SLC4A4: variants seen among roughly 807,000 people sequenced by gnomAD.
SLC4A4 encodes electrogenic sodium bicarbonate cotransporter 1.
Under a neutral mutation model 111.5 loss-of-function variants are expected in SLC4A4, and 27 were observed. That is an observed-to-expected ratio of 0.24 (90% confidence interval 0.18 to 0.33). The LOEUF is 0.33. SLC4A4 is among the 10% of genes least tolerant of loss of function. SLC4A4 has a pLI of 1.00. For synonymous variants in SLC4A4, 443 were observed against 463.4 expected, an observed-to-expected ratio of 0.96 and a Z score of 0.57; for missense variants, 909 against 1,315.5, an observed-to-expected ratio of 0.69 and a Z score of 4.78.
chr4:71,258,485 C>T (rs547908368), intron 3 of SLC4A4, among the ~76,000 whole-genome samples: 2 of 152,230 alleles, frequency 1.3e-5, no homozygotes, highest in Admixed American at 6.5e-5. Flanking sequence ...TTGTAAACTC[C>T]GTGAGAGCAA....
chr4:71,162,661 C>T (rs2148978074), intron 2 of SLC4A4, among the ~76,000 whole-genome samples: 1 of 152,168 alleles, frequency 6.6e-6, no homozygotes, highest in East Asian at 1.9e-4. Context: ...CAGGAAAGAA[C>T]AATATATTAT....
chr4:71,183,556 C>G (rs770480598), upstream of SLC4A4, among the ~76,000 whole-genome samples: 3 of 152,084 alleles, frequency 2.0e-5, no homozygotes, highest in Admixed American at 1.3e-4. Context: ...AAAAATGAGG[C>G]CTTTGGTGAC....
intron 2 of SLC4A4, among the ~76,000 whole-genome samples, chr4:71,173,243 C>T (rs1011448248): frequency 6.6e-6 from 1 of 152,098 alleles, no homozygotes; most frequent in Non-Finnish European, 1.5e-5. Flanking sequence ...TTTTGGATAG[C>T]TGATATCTCA....
chr4:71,260,838 T>C (rs1393837079), intron 3 of SLC4A4, among the ~76,000 whole-genome samples: 2 of 152,220 alleles, frequency 1.3e-5, no homozygotes, highest in African/African-American at 2.4e-5. Context: ...ATTTTAATCA[T>C]AGTATTCTGA....
intron 3 of SLC4A4, among the ~76,000 whole-genome samples, chr4:71,322,985 A>G (rs911633504): frequency 6.6e-6 from 1 of 151,882 alleles, no homozygotes; most frequent in African/African-American, 2.4e-5. Flanking sequence ...CTGGTTCAGA[A>G]CTGGCTATTC....
intron 1 of SLC4A4, among the ~76,000 whole-genome samples, chr4:71,064,443 A>G (rs897905473): frequency 6.6e-6 from 1 of 152,244 alleles, no homozygotes; most frequent in Non-Finnish European, 1.5e-5. Context: ...GGGGAATATA[A>G]TAGTACTAAT....
At chr4:71,094,092 C>T (rs1332403303) in intron 2 of SLC4A4, among the ~76,000 whole-genome samples, 2 of 152,088 alleles carry the variant, frequency 1.3e-5, no homozygotes, top group African/African-American at 2.4e-5. Context: ...CCTTATTAAA[C>T]ATTTTGGTAC....
intron 14 of SLC4A4, among the ~76,000 whole-genome samples, chr4:71,475,746 A>G (rs1228533104): frequency 6.6e-6 from 1 of 151,920 alleles, no homozygotes; most frequent in Non-Finnish European, 1.5e-5. Context: ...GGTTAATAAT[A>G]GTACCTACCT....
At chr4:71,505,946 G>A (rs1359812007) in intron 16 of SLC4A4, among the ~76,000 whole-genome samples, 5 of 152,094 alleles carry the variant, frequency 3.3e-5, no homozygotes, top group African/African-American at 1.2e-4. Context: ...ATTAAATGGG[G>A]AATTATTTCA....
intron 1 of SLC4A4, among the ~76,000 whole-genome samples, chr4:71,220,060 G>T (rs1290807135): frequency 1.3e-5 from 2 of 152,174 alleles, no homozygotes; most frequent in Non-Finnish European, 2.9e-5. Flanking sequence ...GTAGCAGCAC[G>T]GTTTGAGAGG....
intron 18 of SLC4A4, among the ~76,000 whole-genome samples, chr4:71,537,499 G>C (rs911735011): frequency 6.6e-6 from 1 of 151,034 alleles, no homozygotes; most frequent in African/African-American, 2.4e-5. Flanking sequence ...TTTATAAAAG[G>C]CCAGATAACT....
intron 4 of SLC4A4, among the ~76,000 whole-genome samples, chr4:71,347,494 C>T (rs553184224): frequency 2.6e-5 from 4 of 152,154 alleles, no homozygotes; most frequent in Non-Finnish European, 4.4e-5. Flanking sequence ...TGTGTCTTTA[C>T]GTGGTGGAAG....
At chr4:71,200,066 GT>G (rs1219930347) in intron 1 of SLC4A4, among the ~76,000 whole-genome samples, 3 of 152,228 alleles carry the variant, frequency 2.0e-5, no homozygotes, top group Non-Finnish European at 4.4e-5. Context: ...TGTAGAGAAA[GT>G]GAGGATTTAG....
chr4:71,387,615 C>T lies in SLC4A4; in HGVS notation c.731-9962C>T, dbSNP rs143569213. Among the ~76,000 whole-genome samples, 69 of 152,258 alleles carry T rather than the reference C, an allele frequency of 4.5e-4. No homozygotes were observed. In the East Asian group the frequency reaches 0.012, roughly 26 times the overall value. On this transcript the variant is annotated intron_variant, in intron 6 of 25. Transcript: ENST00000264485. Reference sequence around the variant, plus strand: ...GTTCAAGTGATTCTCCTGCCTCAGCCTCCCGAGTAGCTGGGATTACAGGCG... The same window carrying T: ...GTTCAAGTGATTCTCCTGCCTCAGCTTCCCGAGTAGCTGGGATTACAGGCG...
chr4:71,238,407 T>C (rs1719954089), intron 2 of SLC4A4, among the ~76,000 whole-genome samples: 2 of 152,218 alleles, frequency 1.3e-5, no homozygotes, highest in Non-Finnish European at 1.5e-5. Context: ...CACAAATCTG[T>C]AGCCAGGATT....
chr4:71,118,363 G>A (rs1178694425), intron 2 of SLC4A4, among the ~76,000 whole-genome samples: 14 of 152,058 alleles, frequency 9.2e-5, no homozygotes, highest in Admixed American at 8.5e-4. Flanking sequence ...AGGTCCTGGG[G>A]ATACCTTAAC....
intron 15 of SLC4A4, among the ~76,000 whole-genome samples, chr4:71,490,814 C>G (rs550010666): frequency 6.6e-6 from 1 of 151,720 alleles, no homozygotes; most frequent in South Asian, 2.1e-4. Flanking sequence ...TCTGTCACCC[C>G]AGTCTGCATG....
chr4:71,289,763 C>T (rs1454110063), intron 3 of SLC4A4, among the ~76,000 whole-genome samples: 1 of 152,142 alleles, frequency 6.6e-6, no homozygotes, highest in Non-Finnish European at 1.5e-5. Context: ...TGAAGCAAGT[C>T]ACATTTGACA....
At chr4:71,289,851 A>G (rs950637334) in intron 3 of SLC4A4, among the ~76,000 whole-genome samples, 1 of 152,234 alleles carries the variant, frequency 6.6e-6, no homozygotes, top group Non-Finnish European at 1.5e-5. Context: ...ATAATTTGGG[A>G]TGAATTTGAT....
Sources: gnomAD v4.1 joint callset for allele counts (sites outside exome capture counted in the v4.1 genomes callset) on GRCh38, gnomAD v4.1.1 for gene constraint, MANE v1.5 for transcripts, NCBI Gene and HGNC (gene_info 2026-07-23, HGNC 2026-07-21) for gene names.